DCBLD1: variants seen among roughly 807,000 people sequenced by gnomAD.
DCBLD1 encodes discoidin, CUB and LCCL domain containing 1.
In DCBLD1, 57 loss-of-function variants were observed where a neutral mutation model predicts 71.5. That is an observed-to-expected ratio of 0.80 (90% CI 0.64 to 0.99). DCBLD1 has a LOEUF of 0.99. Among genes scored for constraint, DCBLD1 ranks in the 50% least tolerant of loss-of-function variants. DCBLD1 has a pLI of 0.00. For synonymous variants in DCBLD1, 380 were observed against 363.8 expected, an observed-to-expected ratio of 1.04 and a Z score of -0.51; for missense variants, 891 against 923.5, an observed-to-expected ratio of 0.96 and a Z score of 0.46.
intron 1 of DCBLD1, among the ~76,000 whole-genome samples, chr6:117,489,235 TAGTG>T (rs1177470567): frequency 1.3e-5 from 2 of 152,144 alleles, no homozygotes; most frequent in African/African-American, 4.8e-5. Flanking sequence ...GTGCATCACA[TAGTG>T]AGAGACAGAG....
downstream of DCBLD1, among the ~76,000 whole-genome samples, chr6:117,551,378 T>G (rs1209497064): frequency 6.6e-6 from 1 of 151,802 alleles, no homozygotes; most frequent in Non-Finnish European, 1.5e-5. Context: ...TATTTATTTA[T>G]TTATTTATTT....
chr6:117,558,883 C>T (rs1779531638), intron 14 of DCBLD1, among the ~76,000 whole-genome samples: 1 of 152,196 alleles, frequency 6.6e-6, no homozygotes, highest in Admixed American at 6.5e-5. Flanking sequence ...ACTTCAGGCA[C>T]AGTAAACCGC....
intron 14 of DCBLD1, among the ~76,000 whole-genome samples, chr6:117,556,412 C>T (rs917085813): frequency 6.6e-5 from 10 of 152,182 alleles, no homozygotes; most frequent in Non-Finnish European, 1.3e-4. Context: ...TATTATTCCA[C>T]TCTATATATG....
rs867255977 is a variant in DCBLD1 at position 117,540,793 on chromosome 6, C to T, written c.1227C>T (p.Leu409=). 3.7e-6 allele frequency: 6 copies of T among 1,614,198 alleles called. No homozygotes were observed. In the Middle Eastern group the frequency reaches 4.9e-4, roughly 133 times the overall value. The change falls in exon 10 of 15, where the codon CTC becomes CTT. Residue 409 remains leucine, a synonymous_variant. Transcript: ENST00000338728. ...AGAGGATAGCCTTGAAGGTGGAGCT[C>T]ATTGGTTGCCAGATTACACAAGGTA... ...WHQRIALKVE[L]IGCQITQGND...
intron 2 of DCBLD1, among the ~76,000 whole-genome samples, chr6:117,504,601 G>A (rs771161882): frequency 4.6e-5 from 7 of 152,184 alleles, no homozygotes; most frequent in African/African-American, 1.2e-4. Context: ...GGACTGTTCC[G>A]TTACGACTGA....
At chr6:117,503,283 A>T (rs956280405) in intron 1 of DCBLD1, among the ~76,000 whole-genome samples, 5 of 152,228 alleles carry the variant, frequency 3.3e-5, no homozygotes, top group Non-Finnish European at 7.3e-5. Context: ...CAGCTAAATG[A>T]CTTGTAGCTA....
chr6:117,507,878 T>C (rs1777891220), intron 2 of DCBLD1: 1 of 152,252 alleles, frequency 6.6e-6, no homozygotes, highest in Non-Finnish European at 1.5e-5. Context: ...TATAACAGTT[T>C]CTAACATTAG....
intron 6 of DCBLD1, 47 bp from the exon 7 acceptor site, chr6:117,537,138 A>T (rs1192094280): frequency 6.2e-7 from 1 of 1,600,582 alleles, no homozygotes; most frequent in East Asian, 2.2e-5. Flanking sequence ...AGTCACTAAG[A>T]TGTAGGTGAG....
rs1340554374 is a variant in DCBLD1, at chr6:117,495,924, C to T, written c.113-7843C>T. Among the ~76,000 whole-genome samples the T allele has an allele frequency of 2.0e-5, 3 of 152,194 alleles. No individual in the cohort carries two copies. The East Asian group carries it at 5.8e-4, about 29-fold the overall frequency. On this transcript the variant is annotated intron_variant, in intron 1 of 14. Transcript: ENST00000338728. ...AGTAATCCCACATTATATAGGGAATCATAGAGGAATCGTAGATAGGATCTC... is the reference window on the plus strand; with the variant it reads ...AGTAATCCCACATTATATAGGGAATTATAGAGGAATCGTAGATAGGATCTC...
At chr6:117,485,194 C>A (rs1582954497) in intron 1 of DCBLD1, among the ~76,000 whole-genome samples, 2 of 152,078 alleles carry the variant, frequency 1.3e-5, no homozygotes, top group South Asian at 4.2e-4. Flanking sequence ...AATAAAATAC[C>A]CTTCATTTGT....
intron 11 of DCBLD1, among the ~76,000 whole-genome samples, 179 bp from the exon 12 acceptor site, chr6:117,542,945 T>C (rs559158341): frequency 3.3e-5 from 5 of 152,328 alleles, no homozygotes; most frequent in African/African-American, 1.2e-4. Flanking sequence ...TCCCAAACTT[T>C]AGCCAGGATT....
At chr6:117,545,429 G>T (rs371514409) in intron 13 of DCBLD1, 49 bp from the exon 14 acceptor site, 4 of 1,601,186 alleles carry the variant, frequency 2.5e-6, no homozygotes, top group South Asian at 1.1e-5. Context: ...TGGAGGACGC[G>T]CATTACATTT....
Position 117,522,442 on chromosome 6 carries a change from T to A in DCBLD1, c.512+866T>A, listed in dbSNP as rs549121804. Among the ~76,000 whole-genome samples the A allele has an allele frequency of 5.9e-5, 9 of 152,174 alleles. No individual in the cohort carries two copies. The South Asian group carries it at 1.9e-3, about 32-fold the overall frequency. The stretch of plus-strand genomic sequence containing the variant: ...ACACTAACAAAAACTATGACTGTTT[T>A]TTTTTTTCTCTTTTTATGAAAGAGT... On this transcript the variant is annotated intron_variant, in intron 4 of 14. Transcript: ENST00000338728.
intron 2 of DCBLD1, among the ~76,000 whole-genome samples, chr6:117,511,576 T>C (rs1377662519): frequency 2.0e-5 from 3 of 152,206 alleles, no homozygotes; most frequent in Non-Finnish European, 4.4e-5. Context: ...GAAATAGGAA[T>C]AGTTGGAAAT....
intron 11 of DCBLD1, among the ~76,000 whole-genome samples, chr6:117,542,303 A>G (rs1779123285): frequency 1.3e-5 from 2 of 151,780 alleles, no homozygotes; most frequent in Non-Finnish European, 2.9e-5. Flanking sequence ...TAAAAAAAAA[A>G]AAAAAGAAAA....
At chr6:117,567,712 GTC>G (rs1779726333) in intron 14 of DCBLD1, among the ~76,000 whole-genome samples, 1 of 151,846 alleles carries the variant, frequency 6.6e-6, no homozygotes, top group Non-Finnish European at 1.5e-5. Context: ...TCCTATTATA[GTC>G]TCTTTTACAT....
intron 5 of DCBLD1, among the ~76,000 whole-genome samples, chr6:117,529,477 A>C (rs1015196699): frequency 1.3e-5 from 2 of 152,146 alleles, no homozygotes; most frequent in African/African-American, 2.4e-5. Flanking sequence ...TACATGGGTT[A>C]AGTAATATGG....
intron 14 of DCBLD1, chr6:117,547,591 C>G (rs1464654602): frequency 1.6e-6 from 1 of 630,526 alleles, no homozygotes; most frequent in African/African-American, 1.8e-5. Context: ...GTGTGACTTC[C>G]ACCTCCATAG....
rs1459855972 is a variant in DCBLD1 at position 117,548,247 on chromosome 6, T to C, written c.1956T>C (p.Tyr652=). ...VAGVGAQDGD[Y]QRPHSAQPAD... is the part of the protein sequence containing the mutation. ...GTGTGGGCGCCCAGGACGGAGACTATCAAAGGCCACACAGCGCACAGCCTG... is the reference window on the plus strand; with the variant it reads ...GTGTGGGCGCCCAGGACGGAGACTACCAAAGGCCACACAGCGCACAGCCTG... Residue 652 remains tyrosine, a synonymous_variant, in exon 15 of 15, where the codon TAT becomes TAC. Coordinates refer to ENST00000338728, the MANE Select transcript of DCBLD1 (RefSeq NM_001366458.2). 1.3e-6 allele frequency: 2 copies of C among 1,550,560 alleles called. No individual in the cohort carries two copies. Among genetic ancestry groups the C allele is most frequent in the Non-Finnish European group, 1.7e-6 (2 of 1,146,972 alleles).
Sources: gnomAD v4.1 joint callset for allele counts (sites outside exome capture counted in the v4.1 genomes callset) on GRCh38, gnomAD v4.1.1 for gene constraint, MANE v1.5 for transcripts, NCBI Gene and HGNC (gene_info 2026-07-23, HGNC 2026-07-21) for gene names.